Variants in GSG1L observed in about 807,000 individuals in gnomAD.
The protein encoded by GSG1L is GSG1 like, also known as germ cell-specific gene 1-like protein.
Under a neutral mutation model 42.1 loss-of-function variants are expected in GSG1L, and 24 were observed. The ratio of observed to expected loss-of-function variants is 0.57; its 90% CI spans 0.41 to 0.80. GSG1L has a LOEUF of 0.80. GSG1L is among the 30% of genes least tolerant of loss of function. The pLI, the probability that GSG1L is intolerant of heterozygous loss-of-function variation, is 0.00. For synonymous variants in GSG1L, 215 were observed against 203.5 expected, an observed-to-expected ratio of 1.06 and a Z score of -0.48; for missense variants, 445 against 472.2, an observed-to-expected ratio of 0.94 and a Z score of 0.53.
At chr16:27,808,535 C>T (rs1227056383) in intron 5 of GSG1L, among the ~76,000 whole-genome samples, 2 of 151,968 alleles carry the variant, frequency 1.3e-5, no homozygotes, top group African/African-American at 4.8e-5. Context: ...TCTCCTGCCT[C>T]AGCCTCCCGA....
In GSG1L at chr16:27,810,080, CTGTTGG is replaced by C. The variant is rs1355079230; in HGVS notation, c.831-2532_831-2527del. 3.9e-5 allele frequency among the ~76,000 whole-genome samples: 6 copies of C among 152,260 alleles called. No individual in the cohort carries two copies. The East Asian group carries it at 1.2e-3, about 29-fold the overall frequency. On this transcript the variant is annotated intron_variant, in intron 5 of 6. Coordinates refer to ENST00000447459, the MANE Select transcript of GSG1L (RefSeq NM_001109763.2). ...ACCAGGAACTTCCTGAGGACCTTCT[CTGTTGG>C]CACCAGATGCTGTGTGGACAGAAAT...
chr16:28,002,358 C>T (rs759616632), intron 1 of GSG1L, among the ~76,000 whole-genome samples: 93 of 152,298 alleles, frequency 6.1e-4, no homozygotes, highest in Middle Eastern at 3.4e-3. Context: ...CTGTGGCTCA[C>T]GCCTATAATC....
intron 5 of GSG1L, among the ~76,000 whole-genome samples, chr16:27,808,992 C>T (rs1213359442): frequency 1.3e-5 from 2 of 152,168 alleles, no homozygotes; most frequent in African/African-American, 4.8e-5. Context: ...GGGTCATGTT[C>T]CCTCATTGCA....
At chr16:27,924,682 G>C (rs555994703) in intron 2 of GSG1L, among the ~76,000 whole-genome samples, 1 of 152,120 alleles carries the variant, frequency 6.6e-6, no homozygotes, top group Non-Finnish European at 1.5e-5. Flanking sequence ...AAGCAATAAG[G>C]GATTTTCTTA....
chr16:27,900,861 C>T (rs370993447), intron 2 of GSG1L, among the ~76,000 whole-genome samples: 45 of 151,650 alleles, frequency 3.0e-4, no homozygotes, highest in Middle Eastern at 3.4e-3. Context: ...AGCATGGTGG[C>T]TCATGCTTAT....
intron 1 of GSG1L, among the ~76,000 whole-genome samples, chr16:28,044,003 G>A (rs953314237): frequency 1.3e-5 from 2 of 152,140 alleles, no homozygotes; most frequent in Admixed American, 6.5e-5. Flanking sequence ...GCCTGGGCAA[G>A]AGAGTAAGAT....
chr16:27,958,768 C>G (rs957724751), intron 2 of GSG1L, among the ~76,000 whole-genome samples: 1 of 151,916 alleles, frequency 6.6e-6, no homozygotes, highest in Non-Finnish European at 1.5e-5. Context: ...CTCCACCTCC[C>G]GGTTCAAGCC....
At chr16:27,951,554 T>C (rs1443688299) in intron 2 of GSG1L, among the ~76,000 whole-genome samples, 1 of 152,154 alleles carries the variant, frequency 6.6e-6, no homozygotes, top group Non-Finnish European at 1.5e-5. Context: ...TGAAGGTTGA[T>C]GGAGGGTTCC....
intron 1 of GSG1L, among the ~76,000 whole-genome samples, chr16:28,020,600 C>T (rs750838841): frequency 3.9e-5 from 6 of 152,208 alleles, no homozygotes; most frequent in Non-Finnish European, 7.3e-5. Flanking sequence ...AGCTTCATCT[C>T]CTGGTCTGCC....
At position 27,963,180 on chromosome 16, in the gene GSG1L, C is replaced by A. The variant is rs773319483; in HGVS notation, c.373G>T (p.Asp125Tyr). Residue 125 changes from aspartate to tyrosine, a missense_variant, in exon 2 of 7, where the codon GAC becomes TAC. Around this residue, in one of 3 missense-constraint regions of GSG1L, gnomAD observed 149 missense variants for 223.3 expected, o/e 0.67. Transcript: ENST00000447459. ...CCTTTCTCCGATGCCGGGGCCAGGT[C>A]AATGAAGCTGCGACATTTTTCACCT... is the stretch of plus-strand genomic sequence containing the variant. Reference protein sequence around the residue: ...GLGEKCRSFIDLAPASEKGVL... With the variant: ...GLGEKCRSFIYLAPASEKGVL... 2.5e-6 allele frequency: 4 copies of A among 1,613,946 alleles called. No individual in the cohort carries two copies. The highest frequency in any genetic ancestry group is 3.4e-6 in the Non-Finnish European group (4 of 1,179,850).
At chr16:28,003,286 T>C (rs1318969359) in intron 1 of GSG1L, among the ~76,000 whole-genome samples, 3 of 152,222 alleles carry the variant, frequency 2.0e-5, no homozygotes, top group Non-Finnish European at 4.4e-5. Context: ...GAATGGATGC[T>C]TGTTAACACA....
At chr16:28,046,622 G>A (rs1273811751) in intron 1 of GSG1L, among the ~76,000 whole-genome samples, 1 of 152,066 alleles carries the variant, frequency 6.6e-6, no homozygotes, top group Non-Finnish European at 1.5e-5. Flanking sequence ...CCAAAGTGCT[G>A]GGATTACAGG....
intron 1 of GSG1L, among the ~76,000 whole-genome samples, chr16:28,013,649 C>T (rs1259831206): frequency 1.3e-5 from 2 of 152,210 alleles, no homozygotes; most frequent in African/African-American, 4.8e-5. Flanking sequence ...CGAAGATGGA[C>T]CAGCCCTGGA....
rs184836203 is a variant in GSG1L, at chr16:27,954,345, C to T, written c.397+8811G>A. On this transcript the variant is annotated intron_variant, in intron 2 of 6. Coordinates refer to ENST00000447459, the MANE Select transcript of GSG1L (RefSeq NM_001109763.2). ...AATTTCATGAATAGTTGGTTAATGA[C>T]TTAGCAGATAGGAGAAGGCTGGAAG... 2.6e-5 allele frequency among the ~76,000 whole-genome samples: 4 copies of T among 152,258 alleles called. No homozygotes were observed. In the East Asian group the frequency reaches 7.7e-4, roughly 29 times the overall value.
At chr16:27,932,411 C>T (rs13330061) in intron 2 of GSG1L, among the ~76,000 whole-genome samples, 7,636 of 152,118 alleles carry the variant, frequency 0.05, 670 homozygotes, top group African/African-American at 0.18. Context: ...ATGATGCTGA[C>T]ATCTGCTTGG....
chr16:27,793,657 A>C (rs1239215498), intron 6 of GSG1L, among the ~76,000 whole-genome samples: 1 of 152,226 alleles, frequency 6.6e-6, no homozygotes, highest in African/African-American at 2.4e-5. Context: ...TTTAAGGAAA[A>C]GGAAAGGCCA....
intron 3 of GSG1L, among the ~76,000 whole-genome samples, chr16:27,859,411 C>G (rs1417388626): frequency 6.6e-6 from 1 of 152,220 alleles, no homozygotes; most frequent in African/African-American, 2.4e-5. Flanking sequence ...GGTCTCGGCA[C>G]CATGCCCTAG....
At chr16:27,833,939 G>T (rs1485959107) in intron 4 of GSG1L, among the ~76,000 whole-genome samples, 1 of 151,790 alleles carries the variant, frequency 6.6e-6, no homozygotes, top group Non-Finnish European at 1.5e-5. Context: ...TTCTTTTCAT[G>T]TCTTATGTAT....
intron 1 of GSG1L, among the ~76,000 whole-genome samples, chr16:27,988,448 G>A (rs570656782): frequency 6.6e-6 from 1 of 152,018 alleles, no homozygotes; most frequent in African/African-American, 2.4e-5. Flanking sequence ...GTTATTTAAA[G>A]GTTGATTCAA....
Sources: allele counts gnomAD v4.1 joint callset (sites outside exome capture counted in the v4.1 genomes callset), GRCh38; gene constraint gnomAD v4.1.1; regional missense constraint gnomAD v4.1.1; transcripts MANE v1.5; gene names NCBI Gene and HGNC (gene_info 2026-07-23, HGNC 2026-07-21).